The following PTBP3 variants were observed in gnomAD, a reference collection of about 807,000 sequenced individuals.
The protein encoded by PTBP3 is polypyrimidine tract-binding protein 3.
PTBP3 carries 20 observed loss-of-function variants against 58.7 expected under a neutral mutation model. The ratio of observed to expected loss-of-function variants is 0.34; its 90% CI spans 0.24 to 0.50. The LOEUF (loss-of-function observed/expected upper bound fraction) is 0.50. Ranked by LOEUF, PTBP3 falls within the 20% of genes least tolerant of loss-of-function variation. PTBP3 has a pLI of 0.98. For missense variants in PTBP3, 509 were observed against 637.2 expected (o/e 0.80, Z 2.17); for synonymous variants, 185 against 219.8 (o/e 0.84, Z 1.40).
chr9:112,289,087 G>A (rs1386854031), intron 2 of PTBP3, among the ~76,000 whole-genome samples: 1 of 152,234 alleles, frequency 6.6e-6, no homozygotes, highest in African/African-American at 2.4e-5. Flanking sequence ...GTAGCTAGGT[G>A]TGGCTGTGAG....
chr9:112,230,708 T>C (rs1835165713), intron 10 of PTBP3, among the ~76,000 whole-genome samples: 1 of 152,234 alleles, frequency 6.6e-6, no homozygotes, highest in Non-Finnish European at 1.5e-5. Context: ...ATATTAATCA[T>C]ACTGCTCATT....
intron 7 of PTBP3, among the ~76,000 whole-genome samples, chr9:112,248,781 G>A (rs930589934): frequency 4.2e-4 from 64 of 152,218 alleles, no homozygotes; most frequent in African/African-American, 1.3e-3. Flanking sequence ...CCTTTCCTAT[G>A]TACTTCTTAG....
intron 3 of PTBP3, among the ~76,000 whole-genome samples, chr9:112,273,836 T>C (rs547078034): frequency 4.7e-4 from 72 of 152,330 alleles, no homozygotes; most frequent in African/African-American, 1.7e-3. Flanking sequence ...CAGAATCTCC[T>C]GCTTAAGTGC....
At chr9:112,258,846 T>A (rs73537744) in intron 5 of PTBP3, among the ~76,000 whole-genome samples, 6,436 of 152,128 alleles carry the variant, frequency 0.042, 246 homozygotes, top group African/African-American at 0.086. Flanking sequence ...TCTCTAATTT[T>A]AAAAAAATCC....
At position 112,222,127 on chromosome 9, in the gene PTBP3, T is replaced by A. The variant is rs1054352820; in HGVS notation, c.*1724A>T. ...AAGATATTCTTTATTCTTTTAAAAG[T>A]TGAGATGAGACACTTTGAGAATCTG... On this transcript the variant is annotated 3_prime_UTR_variant, in exon 14 of 14. Coordinates refer to ENST00000374257, the MANE Select transcript of PTBP3 (RefSeq NM_001163788.4). 2 of 985,768 alleles carry A rather than the reference T, an allele frequency of 2.0e-6. No individual in the cohort carries two copies. The highest frequency in any genetic ancestry group is 1.1e-4 in the East Asian group (1 of 8,822). 61.1% of individuals were successfully genotyped at this position (985,768 alleles called of 1,614,324 possible).
Position 112,221,098 on chromosome 9 carries a change from A to G in PTBP3, c.*2753T>C, listed in dbSNP as rs764040399. ...AATATGGACAACATCCATGTGCTACAGCTAATTTTAGACACAAACTGATGG... is the reference window on the plus strand; with the variant it reads ...AATATGGACAACATCCATGTGCTACGGCTAATTTTAGACACAAACTGATGG... On this transcript the variant is annotated 3_prime_UTR_variant, in exon 14 of 14. Coordinates refer to ENST00000374257, the MANE Select transcript of PTBP3 (RefSeq NM_001163788.4). 3.7e-5 allele frequency: 36 copies of G among 985,436 alleles called. No individual in the cohort carries two copies. Among genetic ancestry groups the G allele is most frequent in the Non-Finnish European group, 4.1e-5 (34 of 829,868 alleles). The allele number at this position is 985,436 out of a possible 1,614,324, so 61.0% of individuals were successfully genotyped here. A position where few individuals can be genotyped will look rare whatever the true frequency, so the allele number is the denominator to read the frequency against.
At chr9:112,293,516 C>T (rs1828536459) in intron 2 of PTBP3, among the ~76,000 whole-genome samples, 1 of 152,136 alleles carries the variant, frequency 6.6e-6, no homozygotes, top group Non-Finnish European at 1.5e-5. Context: ...AATAGAACTC[C>T]CTCAATTATG....
intron 1 of PTBP3, among the ~76,000 whole-genome samples, chr9:112,326,406 A>G (rs1467066728): frequency 2.6e-5 from 4 of 152,242 alleles, no homozygotes; most frequent in Non-Finnish European, 5.9e-5. Flanking sequence ...AATATGAATG[A>G]GCACAGCTGT....
chr9:112,333,560 C>T lies in PTBP3; in HGVS notation c.-142G>A, dbSNP rs2132508030. ...AGCAGGCGGCGGCAGCAGGGCGGTT[C>T]CGGGGACAAGCGAGCTTTGGCTCTG... On this transcript the variant is annotated 5_prime_UTR_variant, in exon 1 of 14. Transcript: ENST00000374257. 1 of 1,513,690 alleles carries T rather than the reference C, an allele frequency of 6.6e-7. No individual in the cohort carries two copies. The highest frequency in any genetic ancestry group is 9.0e-7 in the Non-Finnish European group (1 of 1,109,554). The allele number at this position is 1,513,690 out of a possible 1,614,324, so 93.8% of individuals were successfully genotyped here. A position where few individuals can be genotyped will look rare whatever the true frequency, so the allele number is the denominator to read the frequency against.
At chr9:112,332,862 C>T in intron 1 of PTBP3, 1 of 1,610,168 alleles carries the variant, frequency 6.2e-7, no homozygotes, top group Non-Finnish European at 8.5e-7. Context: ...AGTCCAGACC[C>T]CTGGTGTCGA....
rs1227228206 is a variant in PTBP3, at chr9:112,315,220, A to G, written c.-51-17304T>C. Among the ~76,000 whole-genome samples, 5 of 152,200 alleles carry G rather than the reference A, an allele frequency of 3.3e-5. 1 individual carries two copies. In the South Asian group the frequency reaches 6.2e-4, roughly 19 times the overall value. On this transcript the variant is annotated intron_variant, in intron 1 of 13. Coordinates refer to ENST00000374257, the MANE Select transcript of PTBP3 (RefSeq NM_001163788.4). The stretch of plus-strand genomic sequence containing the variant: ...ACATTCATAAAGACAAACCATGTTT[A>G]ACATAAAACAAACTTCTGGATACAT...
chr9:112,375,959 A>C, the PTBP3 span, among the ~76,000 whole-genome samples: 2 of 151,988 alleles, frequency 1.3e-5, no homozygotes, highest in African/African-American at 4.8e-5. Flanking sequence ...ACTGTGATTC[A>C]TTTATGGTGG....
At chr9:112,330,404 TA>T (rs1564469472) in intron 1 of PTBP3, 1 of 1,418,718 alleles carries the variant, frequency 7.0e-7, no homozygotes, top group Non-Finnish European at 9.8e-7. Flanking sequence ...CCAAAAGATA[TA>T]AAAATGCATA....
At chr9:112,302,025 C>G (rs1234954521) in intron 1 of PTBP3, among the ~76,000 whole-genome samples, 1 of 152,126 alleles carries the variant, frequency 6.6e-6, no homozygotes, top group Non-Finnish European at 1.5e-5. Context: ...TGCCACAGCC[C>G]GCTGTTACAG....
At chr9:112,238,156 T>C (rs992802913) in intron 7 of PTBP3, among the ~76,000 whole-genome samples, 6 of 151,392 alleles carry the variant, frequency 4.0e-5, no homozygotes, top group Admixed American at 1.3e-4. Context: ...AGAAAGAAAA[T>C]TGCAAAAAAT....
chr9:112,237,305 ATTCATATC>A (rs1835473351), intron 7 of PTBP3, among the ~76,000 whole-genome samples: 1 of 152,222 alleles, frequency 6.6e-6, no homozygotes, highest in African/African-American at 2.4e-5. Flanking sequence ...TAGACAGTGG[ATTCATATC>A]TTCATTTCAG....
Position 112,234,095 on chromosome 9 carries a change from ACT to A in PTBP3, c.880+723_880+724del, listed in dbSNP as rs375457815. On this transcript the variant is annotated intron_variant, in intron 8 of 13. Transcript: ENST00000374257. ...GAAATATGTGGAGTAGGCTTACCAAACTCTGTCATTCCCCTAATCACCAACCT... is the reference window on the plus strand; with the variant it reads ...GAAATATGTGGAGTAGGCTTACCAAACTGTCATTCCCCTAATCACCAACCT... Among the ~76,000 whole-genome samples, 707 of 34,566 alleles carry A rather than the reference ACT, an allele frequency of 0.02. 9 individuals are homozygous for A. The African/African-American group carries it at 0.23, about 11-fold the overall frequency. 22.7% of individuals were successfully genotyped at this position (34,566 alleles called of 152,430 possible). A position where few individuals can be genotyped will look rare whatever the true frequency, so the allele number is the denominator to read the frequency against.
At chr9:112,267,593 A>T (rs905059900) in intron 4 of PTBP3, among the ~76,000 whole-genome samples, 1 of 152,228 alleles carries the variant, frequency 6.6e-6, no homozygotes, top group African/African-American at 2.4e-5. Context: ...TAACAGAAAA[A>T]TGGGTAAGAA....
At position 112,223,106 on chromosome 9, in the gene PTBP3, A is replaced by G; in HGVS notation, c.*745T>C. 1 of 867,994 alleles carries G rather than the reference A, an allele frequency of 1.2e-6. No individual in the cohort carries two copies. Among genetic ancestry groups the G allele is most frequent in the Non-Finnish European group, 1.4e-6 (1 of 722,792 alleles). 53.8% of individuals were successfully genotyped at this position (867,994 alleles called of 1,614,324 possible). A position where few individuals can be genotyped will look rare whatever the true frequency, so the allele number is the denominator to read the frequency against. On this transcript the variant is annotated 3_prime_UTR_variant, in exon 14 of 14. Transcript: ENST00000374257. ...TAAAACATGATTTTTTCCTAATAAA[A>G]TTATTAGTTATTCTGACATCTTATT...
Sources: gnomAD v4.1 joint callset for allele counts (sites outside exome capture counted in the v4.1 genomes callset) on GRCh38, gnomAD v4.1.1 for gene constraint, MANE v1.5 for transcripts, NCBI Gene and HGNC (gene_info 2026-07-23, HGNC 2026-07-21) for gene names.